The following LONRF2 variants were observed in gnomAD, a reference collection of about 807,000 sequenced individuals.
LONRF2 encodes LON peptidase N-terminal domain and RING finger protein 2.
A neutral mutation model predicts 66.6 loss-of-function variants in LONRF2; 35 were observed. That is an observed-to-expected ratio of 0.53 (90% confidence interval 0.40 to 0.70). The LOEUF is 0.70. Among genes scored for constraint, LONRF2 ranks in the 30% least tolerant of loss-of-function variants. The pLI, the probability that LONRF2 is intolerant of heterozygous loss-of-function variation, is 0.00. For missense variants in LONRF2, 902 were observed against 1,002.1 expected, an observed-to-expected ratio of 0.90 and a Z score of 1.35; for synonymous variants, 417 against 418.1, an observed-to-expected ratio of 1.00 and a Z score of 0.03.
chr2:100,291,910 T>C (rs1216319162), intron 9 of LONRF2, among the ~76,000 whole-genome samples: 1 of 152,096 alleles, frequency 6.6e-6, no homozygotes, highest in Non-Finnish European at 1.5e-5. Context: ...GTTTATAATA[T>C]ATACGAATTC....
chr2:100,316,116 G>A (rs865909109), intron 1 of LONRF2, among the ~76,000 whole-genome samples: 2 of 151,814 alleles, frequency 1.3e-5, no homozygotes, highest in Admixed American at 1.3e-4. Flanking sequence ...GTCAGAGATC[G>A]AGAGCATCCT....
At position 100,276,760 on chromosome 2, in the gene LONRF2, A is replaced by G. The variant is rs866727766; in HGVS notation, c.*7538T>C. The G allele has an allele frequency of 3.3e-5, 5 of 152,200 alleles. No homozygotes were observed. Among genetic ancestry groups the G allele is most frequent in the Admixed American group, 6.5e-5 (1 of 15,278 alleles). 9.4% of individuals were successfully genotyped at this position (152,200 alleles called of 1,614,324 possible). A position where few individuals can be genotyped will look rare whatever the true frequency, so the allele number is the denominator to read the frequency against. Reference sequence around the variant, plus strand: ...ATTCTACACAATAAATAACTGGCCAATATTTTGCTCTTACAGATTTGGCTA... The same window carrying G: ...ATTCTACACAATAAATAACTGGCCAGTATTTTGCTCTTACAGATTTGGCTA... On this transcript the variant is annotated 3_prime_UTR_variant, in exon 12 of 12. Transcript: ENST00000393437.
At chr2:100,291,870 G>A (rs1175645772) in intron 9 of LONRF2, among the ~76,000 whole-genome samples, 4 of 152,062 alleles carry the variant, frequency 2.6e-5, no homozygotes, top group Admixed American at 1.3e-4. Context: ...ATGTTCTCAC[G>A]CTACCACGTG....
rs7575849 is a variant in LONRF2 at position 100,291,256 on chromosome 2, G to A, written c.1758-836C>T. Among the ~76,000 whole-genome samples the A allele has an allele frequency of 8.9e-3, 1,360 of 152,226 alleles. 90 individuals are homozygous for A. In the South Asian group the frequency reaches 0.16, roughly 18 times the overall value. ...AGGTCTGGAGAGCTGCACTCACAAA[G>A]GGAGTTTGCATCACACACAGGATCC... is the stretch of plus-strand genomic sequence containing the variant. On this transcript the variant is annotated intron_variant, in intron 9 of 11. Transcript: ENST00000393437.
At chr2:100,286,847 C>A in intron 11 of LONRF2, 67 bp downstream of exon 11, 1 of 1,538,904 alleles carries the variant, frequency 6.5e-7, no homozygotes, top group Non-Finnish European at 8.8e-7. Context: ...AGCTCTCCAC[C>A]AGAATGATGG....
At position 100,279,505 on chromosome 2, in the gene LONRF2, T is replaced by G. The variant is rs1674667898; in HGVS notation, c.*4793A>C. 1 of 152,218 alleles carries G rather than the reference T, an allele frequency of 6.6e-6. No individual in the cohort carries two copies. Among genetic ancestry groups the G allele is most frequent in the African/African-American group, 2.4e-5 (1 of 41,448 alleles). The allele number at this position is 152,218 out of a possible 1,614,324, so 9.4% of individuals were successfully genotyped here. On this transcript the variant is annotated 3_prime_UTR_variant, in exon 12 of 12. Coordinates refer to ENST00000393437, the MANE Select transcript of LONRF2 (RefSeq NM_198461.4). ...TGCCCTACTCTTTAAAAGTTTCTGC[T>G]ATCAAAAGTGACCTTAGTATGTCAA...
chr2:100,294,816 G>A (rs1573114187), intron 8 of LONRF2, among the ~76,000 whole-genome samples: 1 of 152,038 alleles, frequency 6.6e-6, no homozygotes, highest in African/African-American at 2.4e-5. Context: ...GCAATCCTGG[G>A]TATTAGTTCT....
Position 100,272,965 on chromosome 2 carries a change from T to C in LONRF2, c.*11333A>G, listed in dbSNP as rs962209073. On this transcript the variant is annotated 3_prime_UTR_variant, in exon 12 of 12. Transcript: ENST00000393437. ...TCTAAAATTCATGTCCACTAGAACC[T>C]GTGGATATAACCTTATTTGGAAATA... Among the ~76,000 whole-genome samples, 5 of 152,248 alleles carry C rather than the reference T, an allele frequency of 3.3e-5. No individual in the cohort carries two copies. Among genetic ancestry groups the C allele is most frequent in the Non-Finnish European group, 4.4e-5 (3 of 68,048 alleles).
At chr2:100,304,624 TG>T (rs1046908435) in intron 2 of LONRF2, among the ~76,000 whole-genome samples, 5 of 113,972 alleles carry the variant, frequency 4.4e-5, no homozygotes, top group Non-Finnish European at 8.9e-5. Flanking sequence ...TTTAGTTGAC[TG>T]TTTTTTTTTT....
In LONRF2 at chr2:100,291,177, A is replaced by ATTT. The variant is rs70943009; in HGVS notation, c.1758-760_1758-758dup. ...AAAAGTGTGTAGGAAGCATTCAGCTATTTTTTTTTTAAACAAATTGCCAAT... is the reference window on the plus strand; with the variant it reads ...AAAAGTGTGTAGGAAGCATTCAGCTATTTTTTTTTTTTTAAACAAATTGCCAAT... On this transcript the variant is annotated intron_variant, in intron 9 of 11. Transcript: ENST00000393437. 5.3e-5 allele frequency among the ~76,000 whole-genome samples: 8 copies of ATTT among 150,494 alleles called. No individual in the cohort carries two copies. In the East Asian group the frequency reaches 1.4e-3, roughly 26 times the overall value.
chr2:100,286,157 T>C (rs989941244), intron 11 of LONRF2, among the ~76,000 whole-genome samples: 2 of 151,494 alleles, frequency 1.3e-5, no homozygotes, highest in African/African-American at 4.9e-5. Flanking sequence ...AGATAGAAGC[T>C]CCAAGAGACA....
Position 100,277,780 on chromosome 2 carries a change from T to G in LONRF2, c.*6518A>C, listed in dbSNP as rs932934703. The G allele has an allele frequency of 4.3e-4, 65 of 152,198 alleles. 3 individuals are homozygous for G. The highest frequency in any genetic ancestry group is 1.5e-5 in the Non-Finnish European group (1 of 68,032). 9.4% of individuals were successfully genotyped at this position (152,198 alleles called of 1,614,324 possible). The stretch of plus-strand genomic sequence containing the variant: ...GCACAGCGCCCCAGCTTCACATTTA[T>G]GGCCAACTGTTGGACCACTGCCCAA... On this transcript the variant is annotated 3_prime_UTR_variant, in exon 12 of 12. Transcript: ENST00000393437.
intron 2 of LONRF2, among the ~76,000 whole-genome samples, chr2:100,304,004 T>C (rs1277516787): frequency 2.6e-5 from 4 of 152,150 alleles, no homozygotes; most frequent in Non-Finnish European, 5.9e-5. Flanking sequence ...TTCTTTAATC[T>C]TTTTTCTTTC....
Position 100,286,932 on chromosome 2 carries a change from G to A in LONRF2, c.2052C>T (p.Asp684=). The A allele has an allele frequency of 6.2e-7, 1 of 1,613,920 alleles. No individual in the cohort carries two copies. The change falls in exon 11 of 12, where the codon GAC becomes GAT. Residue 684 remains aspartate, a synonymous_variant. Transcript: ENST00000393437. ...QILSHFGVMP[D]REPEPQSNPS... The stretch of plus-strand genomic sequence containing the variant: ...GGCATACCTGAGGCTCAGGTTCTCT[G>A]TCTGGCATTACCCCAAAATGACTTA...
Position 100,284,435 on chromosome 2 carries a change from G to A in LONRF2, c.2128C>T (p.Arg710Cys), listed in dbSNP as rs756374966. 9 of 1,608,304 alleles carry A rather than the reference G, an allele frequency of 5.6e-6. No homozygotes were observed. Among genetic ancestry groups the A allele is most frequent in the East Asian group, 2.2e-5 (1 of 44,736 alleles). Residue 710 changes from arginine to cysteine, a missense_variant, in exon 12 of 12, where the codon CGC becomes TGC. Physicochemically the swap from Arg to Cys is radical, Grantham distance 180 (BLOSUM62 -3). Coordinates refer to ENST00000393437, the MANE Select transcript of LONRF2 (RefSeq NM_198461.4). ...CCGAGGATGGCCAGCTGAGCCTTGC[G>A]CTCCAGGGGCAGCACGGCCAGGATC... ...WWILAVLPLE[R>C]KAQLAILGMT...
Position 100,277,652 on chromosome 2 carries a change from C to G in LONRF2, c.*6646G>C, listed in dbSNP as rs7573523. 98,790 of 151,442 alleles carry G rather than the reference C, an allele frequency of 0.65. 32,818 individuals are homozygous for G. The highest frequency in any genetic ancestry group is 0.96 in the East Asian group (4,942 of 5,140). 9.4% of individuals were successfully genotyped at this position (151,442 alleles called of 1,614,324 possible). A position where few individuals can be genotyped will look rare whatever the true frequency, so the allele number is the denominator to read the frequency against. ...GATGGAGCCCAAGAGAATGTTGCTG[C>G]TTCCCATCTTTTAGCCAGCATGCCC... On this transcript the variant is annotated 3_prime_UTR_variant, in exon 12 of 12. Coordinates refer to ENST00000393437, the MANE Select transcript of LONRF2 (RefSeq NM_198461.4).
In LONRF2 at chr2:100,319,713, T is replaced by C. The variant is rs181543334; in HGVS notation, c.679+1702A>G. On this transcript the variant is annotated intron_variant, in intron 1 of 11. Transcript: ENST00000393437. ...TATTTTCTTTCTGTATAGTATGCTA[T>C]GAAAACATAATCATATATTCACCCC... 4.6e-5 allele frequency among the ~76,000 whole-genome samples: 7 copies of C among 152,374 alleles called. No homozygotes were observed. The East Asian group carries it at 9.6e-4, about 21-fold the overall frequency.
intron 1 of LONRF2, among the ~76,000 whole-genome samples, chr2:100,313,956 C>T (rs948075364): frequency 6.6e-6 from 1 of 152,046 alleles, no homozygotes; most frequent in Non-Finnish European, 1.5e-5. Flanking sequence ...TTAAAAATTG[C>T]TGTGTAATAT....
chr2:100,298,974 G>T, intron 6 of LONRF2, 24 bp from the exon 7 acceptor site: 1 of 1,541,316 alleles, frequency 6.5e-7, no homozygotes, highest in Non-Finnish European at 9.0e-7. Flanking sequence ...TCTGTTTTCA[G>T]CCAGAAATGT....
Sources: allele counts gnomAD v4.1 joint callset (sites outside exome capture counted in the v4.1 genomes callset), GRCh38; gene constraint gnomAD v4.1.1; transcripts MANE v1.5; gene names NCBI Gene and HGNC (gene_info 2026-07-23, HGNC 2026-07-21).